The following FSIP2 variants were observed in gnomAD, a reference collection of about 807,000 sequenced individuals.
The protein encoded by FSIP2 is fibrous sheath-interacting protein 2.
Under a neutral mutation model 510.5 loss-of-function variants are expected in FSIP2, and 367 were observed. That is an observed-to-expected ratio of 0.72 (90% CI 0.66 to 0.78). FSIP2 has a LOEUF of 0.78. FSIP2 is among the 30% of genes least tolerant of loss of function. FSIP2 has a pLI of 0.00. For synonymous variants in FSIP2, 2,601 were observed against 2,732.2 expected, an observed-to-expected ratio of 0.95 and a Z score of 1.50; for missense variants, 7,594 against 7,901.7, an observed-to-expected ratio of 0.96 and a Z score of 1.48.
chr2:185,793,322 A>C lies in FSIP2; in HGVS notation c.6186A>C (p.Lys2062Asn). Residue 2062 changes from lysine (K) to asparagine (N), a missense_variant, in exon 16 of 23, where the codon AAA (lysine) becomes AAC (asparagine). Transcript: ENST00000424728. ...KGKCDKNSSD[K>N]EIDLDQQKGV... ...AATGTGACAAAAACAGTTCTGACAA[A>C]GAGATCGATTTAGATCAGCAAAAAG... The C allele has an allele frequency of 6.5e-7, 1 of 1,534,330 alleles. No individual in the cohort carries two copies. Among genetic ancestry groups the C allele is most frequent in the Non-Finnish European group, 8.7e-7 (1 of 1,145,670 alleles).
intron 17 of FSIP2, among the ~76,000 whole-genome samples, chr2:185,810,425 G>T (rs1379325945): frequency 6.6e-6 from 1 of 151,676 alleles, no homozygotes; most frequent in Non-Finnish European, 1.5e-5. Context: ...TTTGTGATGT[G>T]CCTGCACTTA....
At chr2:185,744,136 G>C (rs1180648415) in intron 3 of FSIP2, among the ~76,000 whole-genome samples, 186 bp from the exon 4 acceptor site, 6 of 152,014 alleles carry the variant, frequency 3.9e-5, no homozygotes, top group Non-Finnish European at 7.4e-5. Flanking sequence ...AATGCAGAGA[G>C]ATATTACTTA....
Position 185,801,074 on chromosome 2 carries a change from GC to G in FSIP2, c.11769del (p.Ser3924ProfsTer13). Reference protein sequence around the residue: ...TVSLNNPSVVSSKIQAPFNKH... With the variant: ...TVSLNNPSVVXSKIQAPFNKH... The stretch of plus-strand genomic sequence containing the variant: ...TCCCTGAATAATCCCAGTGTGGTTA[GC>G]TCCAAAATACAAGCACCATTTAACA... On this transcript the variant is annotated frameshift_variant, in exon 17 of 23. Coordinates refer to ENST00000424728, the MANE Select transcript of FSIP2 (RefSeq NM_173651.4). LOFTEE classifies it high-confidence loss of function. 1 of 1,532,090 alleles carries G rather than the reference GC, an allele frequency of 6.5e-7. No homozygotes were observed. The highest frequency in any genetic ancestry group is 8.7e-7 in the Non-Finnish European group (1 of 1,144,864). The allele number at this position is 1,532,090 out of a possible 1,614,324, so 94.9% of individuals were successfully genotyped here. A position where few individuals can be genotyped will look rare whatever the true frequency, so the allele number is the denominator to read the frequency against.
Position 185,805,140 on chromosome 2 carries a change from A to G in FSIP2, c.15834A>G (p.Glu5278=). ...QPSLYSATFL[E]DIIIDLVHKF... The stretch of plus-strand genomic sequence containing the variant: ...CTCTCTATTCAGCTACATTTTTGGA[A>G]GACATAATCATTGACCTTGTTCACA... The change falls in exon 17 of 23, where the codon GAA becomes GAG. Residue 5278 remains glutamate, a synonymous_variant. Coordinates refer to ENST00000424728, the MANE Select transcript of FSIP2 (RefSeq NM_173651.4). 6.2e-7 allele frequency: 1 copy of G among 1,609,730 alleles called. No homozygotes were observed. The highest frequency in any genetic ancestry group is 1.1e-5 in the South Asian group (1 of 90,574).
chr2:185,794,618 G>GT lies in FSIP2; in HGVS notation c.7483dup (p.Tyr2495LeufsTer15). The GT allele has an allele frequency of 6.5e-7, 1 of 1,532,112 alleles. No homozygotes were observed. Among genetic ancestry groups the GT allele is most frequent in the Non-Finnish European group, 8.7e-7 (1 of 1,145,026 alleles). The allele number at this position is 1,532,112 out of a possible 1,614,324, so 94.9% of individuals were successfully genotyped here. A position where few individuals can be genotyped will look rare whatever the true frequency, so the allele number is the denominator to read the frequency against. Reference sequence around the variant, plus strand: ...CAGTGGAAGAACTTTTGAATAAGTTGTATCAAAGAGTAAGGGAAGTCACAG... The same window carrying GT: ...CAGTGGAAGAACTTTTGAATAAGTTGTTATCAAAGAGTAAGGGAAGTCACAG... On this transcript the variant is annotated frameshift_variant, in exon 16 of 23. Coordinates refer to ENST00000424728, the MANE Select transcript of FSIP2 (RefSeq NM_173651.4). LOFTEE classifies it high-confidence loss of function.
At chr2:185,827,816 C>T (rs963790585) in intron 20 of FSIP2, among the ~76,000 whole-genome samples, 1 of 151,800 alleles carries the variant, frequency 6.6e-6, no homozygotes, top group South Asian at 2.1e-4. Flanking sequence ...AGAGTAATCC[C>T]TCATTGTACA....
In FSIP2 at chr2:185,808,991, C is replaced by G. The variant is rs1693663508; in HGVS notation, c.19685C>G (p.Thr6562Ser). 5 of 1,612,612 alleles carry G rather than the reference C, an allele frequency of 3.1e-6. No homozygotes were observed. Among genetic ancestry groups the G allele is most frequent in the Non-Finnish European group, 4.2e-6 (5 of 1,179,446 alleles). The change falls in exon 17 of 23, where the codon ACT becomes AGT. Residue 6562 changes from threonine (T) to serine (S), a missense_variant. Coordinates refer to ENST00000424728, the MANE Select transcript of FSIP2 (RefSeq NM_173651.4). ...CTTAAGCAGGAGTGTTTGAAAAGAACTGGACATAGCATAGCAGAACTGAGA... is the reference window on the plus strand; with the variant it reads ...CTTAAGCAGGAGTGTTTGAAAAGAAGTGGACATAGCATAGCAGAACTGAGA... ...EKLKQECLKRTGHSIAELRRA... is the reference protein window; with the variant it reads ...EKLKQECLKRSGHSIAELRRA...
At chr2:185,738,344 G>C (rs1266751426), upstream of FSIP2, 4 of 444,494 alleles carry the variant, frequency 9.0e-6, no homozygotes, top group African/African-American at 8.1e-5. Flanking sequence ...CTAGAAAGGA[G>C]AAGGAAACCT....
Position 185,813,714 on chromosome 2 carries a change from A to T in FSIP2, c.19997A>T (p.Asp6666Val). Residue 6666 changes from aspartate to valine, a missense_variant, in exon 18 of 23, where the codon GAT (aspartate) becomes GTT (valine). Physicochemically the swap from Asp to Val is radical, Grantham distance 152. Transcript: ENST00000424728. ...AAAGAGGAACGAGATTCTGATGAAGATGAAGTTGTTTTAACACAGACTTTT... is the reference window on the plus strand; with the variant it reads ...AAAGAGGAACGAGATTCTGATGAAGTTGAAGTTGTTTTAACACAGACTTTT... ...YIKEERDSDE[D>V]EVVLTQTFAK... The T allele has an allele frequency of 6.2e-7, 1 of 1,610,806 alleles. No individual in the cohort carries two copies. The highest frequency in any genetic ancestry group is 8.5e-7 in the Non-Finnish European group (1 of 1,178,172).
upstream of FSIP2, chr2:185,738,536 C>T (rs2105520115): frequency 1.4e-6 from 2 of 1,428,972 alleles, no homozygotes; most frequent in South Asian, 1.3e-5. Context: ...AACAGGGCTC[C>T]TTGGAAGCCA....
rs536823972 is a variant in FSIP2, at chr2:185,824,416, C to G, written c.20427-18C>G. ...TATCAAATTCACCCTAAATGATGTT[C>G]TTTTTCTTTTGTTTTAGTGAGGCTG... On this transcript the variant is annotated intron_variant, in intron 19 of 22. Transcript: ENST00000424728. The G allele has an allele frequency of 1.2e-5, 19 of 1,560,578 alleles. No individual in the cohort carries two copies. Among genetic ancestry groups the G allele is most frequent in the Middle Eastern group, 3.4e-4 (2 of 5,922 alleles).
In FSIP2 at chr2:185,789,078, C is replaced by T; in HGVS notation, c.1942C>T (p.His648Tyr). Residue 648 changes from histidine (H) to tyrosine (Y), a missense_variant, in exon 16 of 23, where the codon CAC becomes TAC. Transcript: ENST00000424728. Reference sequence around the variant, plus strand: ...GCTCAGAAGTTGTAAATCAGATAGTCACCTTTTAGCATCATTTGAAACAGG... The same window carrying T: ...GCTCAGAAGTTGTAAATCAGATAGTTACCTTTTAGCATCATTTGAAACAGG... ...PKLRSCKSDS[H>Y]LLASFETGTK... 5 of 1,534,660 alleles carry T rather than the reference C, an allele frequency of 3.3e-6. No individual in the cohort carries two copies. The highest frequency in any genetic ancestry group is 2.6e-6 in the Non-Finnish European group (3 of 1,145,710).
Position 185,800,746 on chromosome 2 carries a change from C to T in FSIP2, c.11440C>T (p.Leu3814Phe). The T allele has an allele frequency of 6.5e-7, 1 of 1,533,676 alleles. No homozygotes were observed. Among genetic ancestry groups the T allele is most frequent in the Non-Finnish European group, 8.7e-7 (1 of 1,145,326 alleles). The change falls in exon 17 of 23, where the codon CTT becomes TTT. Residue 3814 changes from leucine to phenylalanine, a missense_variant. Physicochemically the swap from Leu to Phe is conservative, Grantham distance 22. Transcript: ENST00000424728. Reference sequence around the variant, plus strand: ...TAAGGGAGGAATGGACTGTGAATGCCTTCAAGTAGATTACATGTCAGACCT... The same window carrying T: ...TAAGGGAGGAATGGACTGTGAATGCTTTCAAGTAGATTACATGTCAGACCT... ...YRKGGMDCEC[L>F]QVDYMSDLLE...
rs965288934 is a variant in FSIP2 at position 185,804,433 on chromosome 2, C to T, written c.15127C>T (p.His5043Tyr). 26 of 1,512,298 alleles carry T rather than the reference C, an allele frequency of 1.7e-5. No homozygotes were observed. The highest frequency in any genetic ancestry group is 4.1e-5 in the Admixed American group (2 of 48,584). 93.7% of individuals were successfully genotyped at this position (1,512,298 alleles called of 1,614,324 possible). ...LDQYKSLIQI[H>Y]RVIQSDTICF... ...TCAATATAAATCTCTGATTCAAATA[C>T]ATAGGGTTATACAAAGTGACACAAT... is the stretch of plus-strand genomic sequence containing the variant. Residue 5043 changes from histidine to tyrosine, a missense_variant, in exon 17 of 23, where the codon CAT (histidine) becomes TAT (tyrosine). Physicochemically the swap from His to Tyr is moderately conservative, Grantham distance 83 (BLOSUM62 2). Coordinates refer to ENST00000424728, the MANE Select transcript of FSIP2 (RefSeq NM_173651.4).
intron 17 of FSIP2, 57 bp from the exon 18 acceptor site, chr2:185,813,487 AC>A: frequency 9.3e-7 from 1 of 1,074,484 alleles, no homozygotes; most frequent in Non-Finnish European, 1.3e-6. Flanking sequence ...TCATAATTGA[AC>A]TATAGGAAAG....
intron 21 of FSIP2, among the ~76,000 whole-genome samples, chr2:185,831,583 G>T (rs1694109748): frequency 1.3e-5 from 2 of 151,902 alleles, no homozygotes; most frequent in African/African-American, 2.4e-5. Context: ...CTTAGTGCTA[G>T]CCAAAGTCTG....
intron 13 of FSIP2, among the ~76,000 whole-genome samples, chr2:185,775,852 T>C (rs1692705346): frequency 6.6e-6 from 1 of 152,122 alleles, no homozygotes; most frequent in Non-Finnish European, 1.5e-5. Context: ...TTAGTAGAGA[T>C]GGAGTTTCTC....
chr2:185,759,676 T>C (rs1415929336), intron 9 of FSIP2, among the ~76,000 whole-genome samples: 3 of 146,844 alleles, frequency 2.0e-5, no homozygotes, highest in Non-Finnish European at 4.5e-5. Flanking sequence ...ATACATAATA[T>C]TTATTATTTG....
rs148386291 is a variant in FSIP2 at position 185,776,024 on chromosome 2, C to T, written c.1412-6681C>T. ...GTGGTTCATGCCTGTAAACCCAGCA[C>T]TTTGGGAGGCCGAGACGGGTGCATC... On this transcript the variant is annotated intron_variant, in intron 13 of 22. Transcript: ENST00000424728. Among the ~76,000 whole-genome samples the T allele has an allele frequency of 3.6e-3, 544 of 152,262 alleles. 2 individuals carry two copies. Among genetic ancestry groups the T allele is most frequent in the Admixed American group, 9.5e-3 (145 of 15,284 alleles).
Sources: allele counts gnomAD v4.1 joint callset (sites outside exome capture counted in the v4.1 genomes callset), GRCh38; gene constraint gnomAD v4.1.1; transcripts MANE v1.5; gene names NCBI Gene and HGNC (gene_info 2026-07-23, HGNC 2026-07-21).